The following AK7 variants were observed in gnomAD, a reference collection of about 807,000 sequenced individuals.
AK7 encodes the protein ATP-AMP transphosphorylase 7.
Under a neutral mutation model 96.6 loss-of-function variants are expected in AK7, and 78 were observed. The ratio of observed to expected loss-of-function variants is 0.81; its 90% CI spans 0.67 to 0.97. The LOEUF is 0.97. Among genes scored for constraint, AK7 ranks in the 50% least tolerant of loss-of-function variants. The probability of loss-of-function intolerance (pLI) is 0.00; values close to 1 mark genes in which losing one functional copy is unlikely to be tolerated. For missense variants in AK7, 855 were observed against 887.9 expected, an observed-to-expected ratio of 0.96 and a Z score of 0.47; for synonymous variants, 302 against 317.2, an observed-to-expected ratio of 0.95 and a Z score of 0.51.
chr14:96,486,166 G>A lies in AK7; in HGVS notation c.1975-732G>A, dbSNP rs116942637. ...ATAAAGAAAACCAGAAAAGTCCAGG[G>A]GTAGGGCTGGCTTCAGGTGAGGCTT... On this transcript the variant is annotated intron_variant, in intron 16 of 17. Coordinates refer to ENST00000267584, the MANE Select transcript of AK7 (RefSeq NM_152327.5). Among the ~76,000 whole-genome samples, 752 of 152,252 alleles carry A rather than the reference G, an allele frequency of 4.9e-3. 5 individuals are homozygous for A. The highest frequency in any genetic ancestry group is 0.017 in the Middle Eastern group (5 of 294).
intron 13 of AK7, 24 bp from the exon 14 acceptor site, chr14:96,472,663 A>G (rs1894962729): frequency 1.3e-6 from 2 of 1,594,248 alleles, no homozygotes; most frequent in Non-Finnish European, 1.7e-6. Context: ...AATAAACACA[A>G]TGAGGAATAT....
At chr14:96,428,162 G>A (rs1488106522) in intron 5 of AK7, among the ~76,000 whole-genome samples, 2 of 151,936 alleles carry the variant, frequency 1.3e-5, no homozygotes, top group Non-Finnish European at 2.9e-5. Flanking sequence ...CCCACCCTGT[G>A]TCCAAGTGTT....
intron 10 of AK7, among the ~76,000 whole-genome samples, chr14:96,452,889 C>T (rs1289951996): frequency 6.6e-6 from 1 of 152,154 alleles, no homozygotes; most frequent in African/African-American, 2.4e-5. Flanking sequence ...ACCTGCCTCT[C>T]TGAAATCAGA....
intron 5 of AK7, among the ~76,000 whole-genome samples, chr14:96,431,351 T>A (rs1892339364): frequency 6.6e-6 from 1 of 152,194 alleles, no homozygotes; most frequent in Non-Finnish European, 1.5e-5. Flanking sequence ...ATTGTGATGT[T>A]AGGGTGTCAA....
intron 7 of AK7, among the ~76,000 whole-genome samples, chr14:96,446,133 C>T: frequency 6.6e-6 from 1 of 152,160 alleles, no homozygotes; most frequent in East Asian, 1.9e-4. Context: ...GTGAGGCTCA[C>T]ACGAGCCCCT....
At chr14:96,473,250 A>G (rs1417608781) in intron 14 of AK7, among the ~76,000 whole-genome samples, 1 of 148,076 alleles carries the variant, frequency 6.8e-6, no homozygotes, top group Non-Finnish European at 1.5e-5. Context: ...AGCTCACTGC[A>G]AGCTCTGCCT....
chr14:96,460,864 G>A (rs1019588530), intron 12 of AK7, among the ~76,000 whole-genome samples: 4 of 152,094 alleles, frequency 2.6e-5, no homozygotes, highest in African/African-American at 4.8e-5. Flanking sequence ...CTAGTCCCCC[G>A]ACCCTTTCCC....
Position 96,458,077 on chromosome 14 carries a change from A to G in AK7, c.1228-6A>G, listed in dbSNP as rs759172777. On this transcript the variant is annotated splice_region_variant and splice_polypyrimidine_tract_variant and intron_variant, in intron 11 of 17. Transcript: ENST00000267584. The stretch of plus-strand genomic sequence containing the variant: ...CATCCAATGTGAATATCCCTGTGGT[A>G]TGCAGGAGGCGATTGTTGCCCCTAA... The G allele has an allele frequency of 6.2e-7, 1 of 1,612,314 alleles. No individual in the cohort carries two copies. Among genetic ancestry groups the G allele is most frequent in the East Asian group, 2.2e-5 (1 of 44,842 alleles).
intron 10 of AK7, among the ~76,000 whole-genome samples, chr14:96,453,912 G>C (rs1452968966): frequency 1.3e-5 from 2 of 152,102 alleles, no homozygotes; most frequent in African/African-American, 4.8e-5. Context: ...CACCTCTCCA[G>C]GGGCCCAGCC....
At chr14:96,456,621 AGT>A (rs1292712166) in intron 11 of AK7, 146 bp downstream of exon 11, 16 of 875,160 alleles carry the variant, frequency 1.8e-5, no homozygotes, top group Non-Finnish European at 2.7e-5. Flanking sequence ...TGTCCTAATC[AGT>A]AGCCAGGGGA....
At chr14:96,431,243 TTG>T (rs1892332974) in intron 5 of AK7, among the ~76,000 whole-genome samples, 1 of 152,322 alleles carries the variant, frequency 6.6e-6, no homozygotes, top group East Asian at 1.9e-4. Context: ...AAGGGTTTTT[TTG>T]TGTCTCTGTC....
At chr14:96,418,906 C>A (rs1031164203) in intron 4 of AK7, among the ~76,000 whole-genome samples, 1 of 152,218 alleles carries the variant, frequency 6.6e-6, no homozygotes, top group African/African-American at 2.4e-5. Context: ...GGTTATTTAA[C>A]TTAGACCAAT....
At chr14:96,419,958 T>G (rs1236348079) in intron 4 of AK7, among the ~76,000 whole-genome samples, 2 of 151,488 alleles carry the variant, frequency 1.3e-5, no homozygotes, top group Non-Finnish European at 2.9e-5. Flanking sequence ...CTGGCTAATT[T>G]TTGTATTTTT....
chr14:96,477,807 T>C (rs1895268057), intron 14 of AK7, among the ~76,000 whole-genome samples: 1 of 152,222 alleles, frequency 6.6e-6, no homozygotes, highest in African/African-American at 2.4e-5. Flanking sequence ...TCCCATTTTA[T>C]TAATTTGGCA....
intron 6 of AK7, among the ~76,000 whole-genome samples, chr14:96,438,918 T>G (rs905653268): frequency 6.6e-6 from 1 of 152,118 alleles, no homozygotes; most frequent in African/African-American, 2.4e-5. Flanking sequence ...TGTTCAAAGC[T>G]TGGATGTAAG....
chr14:96,463,603 C>A (rs1170451670), intron 12 of AK7, among the ~76,000 whole-genome samples: 1 of 151,356 alleles, frequency 6.6e-6, no homozygotes, highest in Non-Finnish European at 1.5e-5. Flanking sequence ...GCCTGTAGTC[C>A]CAGCTACTCG....
In AK7 at chr14:96,434,156, ATTG is replaced by A. The variant is rs564504939; in HGVS notation, c.610-3674_610-3672del. On this transcript the variant is annotated intron_variant, in intron 5 of 17. Transcript: ENST00000267584. ...CTGGGCATTGTAGAGTTAGGTATTT[ATTG>A]TTGTCTTCACCGTCTGGGCTTGTTT... Among the ~76,000 whole-genome samples the A allele has an allele frequency of 8.5e-5, 13 of 152,160 alleles. No homozygotes were observed. The South Asian group carries it at 2.3e-3, about 27-fold the overall frequency.
rs773089080 is a variant in AK7, at chr14:96,404,827, G to T, written c.365G>T (p.Ser122Ile). 1.2e-6 allele frequency: 2 copies of T among 1,610,194 alleles called. No homozygotes were observed. The highest frequency in any genetic ancestry group is 1.7e-6 in the Non-Finnish European group (2 of 1,177,232). Residue 122 changes from serine to isoleucine, a missense_variant, in exon 3 of 18, where the codon AGC (serine) becomes ATC (isoleucine). By Grantham distance (142) the Ser-to-Ile change is moderately radical (BLOSUM62 -2). Transcript: ENST00000267584. ...GTTATTATTTATAACATCACTGAGA[G>T]CTCACAGCAAATGGAGGAAGCCATC... ...CDVIIYNITE[S>I]SQQMEEAIWA...
At chr14:96,419,951 G>A (rs1019596916) in intron 4 of AK7, among the ~76,000 whole-genome samples, 3 of 151,282 alleles carry the variant, frequency 2.0e-5, no homozygotes, top group African/African-American at 7.3e-5. Context: ...ACCACACCTG[G>A]CTAATTTTTG....
Sources: gnomAD v4.1 joint callset for allele counts (sites outside exome capture counted in the v4.1 genomes callset) on GRCh38, gnomAD v4.1.1 for gene constraint, MANE v1.5 for transcripts, NCBI Gene and HGNC (gene_info 2026-07-23, HGNC 2026-07-21) for gene names.